GNB5: variants seen among roughly 807,000 people sequenced by gnomAD.
GNB5 encodes guanine nucleotide-binding protein subunit beta-5.
GNB5 carries 37 observed loss-of-function variants against 55.3 expected under a neutral mutation model. That is an observed-to-expected ratio of 0.67 (90% CI 0.51 to 0.88). GNB5 has a LOEUF of 0.88. GNB5 is among the 40% of genes least tolerant of loss of function. The probability of loss-of-function intolerance (pLI) is 0.00; values close to 1 mark genes in which losing one functional copy is unlikely to be tolerated. For missense variants in GNB5, 476 were observed against 515.3 expected, an observed-to-expected ratio of 0.92 and a Z score of 0.74; for synonymous variants, 219 against 198.5, an observed-to-expected ratio of 1.10 and a Z score of -0.87.
At chr15:52,158,375 T>A (rs915658926) in intron 3 of GNB5, among the ~76,000 whole-genome samples, 2 of 152,204 alleles carry the variant, frequency 1.3e-5, no homozygotes, top group Non-Finnish European at 2.9e-5. Context: ...GTACAGTGAG[T>A]ACCCAGTAAT....
intron 3 of GNB5, among the ~76,000 whole-genome samples, chr15:52,155,863 A>G (rs2034197961): frequency 6.6e-6 from 1 of 152,160 alleles, no homozygotes; most frequent in Non-Finnish European, 1.5e-5. Flanking sequence ...TCTCCACTGG[A>G]GAGTTACCAT....
rs144289162 is a variant in GNB5, at chr15:52,179,775, A to C, written c.231T>G (p.Asp77Glu). 1 of 1,488,274 alleles carries C rather than the reference A, an allele frequency of 6.7e-7. No homozygotes were observed. Among genetic ancestry groups the C allele is most frequent in the South Asian group, 1.2e-5 (1 of 80,876 alleles). The allele number at this position is 1,488,274 out of a possible 1,614,324, so 92.2% of individuals were successfully genotyped here. A position where few individuals can be genotyped will look rare whatever the true frequency, so the allele number is the denominator to read the frequency against. ...KLEEERAKLH[D>E]VELHQVAERV... ...CTCCCGGCCCGCACTCACGCTCCAC[A>C]TCGTGCAGCTTGGCTCGCTCCTCCT... Residue 77 changes from aspartate (D) to glutamate (E), a missense_variant, in exon 3 of 13, where the codon GAT (aspartate) becomes GAG (glutamate). Transcript: ENST00000261837.
At chr15:52,157,757 C>G (rs963970280) in intron 3 of GNB5, among the ~76,000 whole-genome samples, 2 of 151,946 alleles carry the variant, frequency 1.3e-5, no homozygotes, top group African/African-American at 4.8e-5. Flanking sequence ...TTGAATAGAT[C>G]CCAACTATTA....
chr15:52,168,048 T>C (rs2034483741), intron 3 of GNB5, among the ~76,000 whole-genome samples: 1 of 152,142 alleles, frequency 6.6e-6, no homozygotes, highest in African/African-American at 2.4e-5. Context: ...CCGAATATCA[T>C]ACTGAATGGG....
chr15:52,128,234 T>C lies in GNB5; in HGVS notation c.874A>G (p.Ser292Gly), dbSNP rs750879049. 1.9e-6 allele frequency: 3 copies of C among 1,608,696 alleles called. No homozygotes were observed. Among genetic ancestry groups the C allele is most frequent in the Non-Finnish European group, 2.6e-6 (3 of 1,175,022 alleles). The change falls in exon 10 of 13, where the codon AGT (serine) becomes GGT (glycine). Residue 292 changes from serine (S) to glycine (G), a missense_variant. By Grantham distance (56) the Ser-to-Gly change is moderately conservative. Coordinates refer to ENST00000261837, the MANE Select transcript of GNB5 (RefSeq NM_016194.4). ...SDINSVRYYP[S>G]GDAFASGSDD... ...GACCCTGAAGCAAAGGCATCTCCACTGGGGTAGTACCTGCAGAGAGAAAGT... is the reference window on the plus strand; with the variant it reads ...GACCCTGAAGCAAAGGCATCTCCACCGGGGTAGTACCTGCAGAGAGAAAGT...
intron 6 of GNB5, 58 bp downstream of exon 6, chr15:52,147,401 G>T: frequency 2.1e-6 from 2 of 956,584 alleles, no homozygotes; most frequent in South Asian, 1.3e-5. Flanking sequence ...TTTTTGCCAA[G>T]AGAACAGTAT....
At chr15:52,143,325 T>C (rs900006333) in intron 6 of GNB5, among the ~76,000 whole-genome samples, 8 of 152,220 alleles carry the variant, frequency 5.3e-5, no homozygotes, top group African/African-American at 1.7e-4. Flanking sequence ...CTTAGGGTTA[T>C]TCGCATTGCT....
intron 3 of GNB5, among the ~76,000 whole-genome samples, chr15:52,172,368 A>G (rs537581256): frequency 6.7e-6 from 1 of 150,100 alleles, no homozygotes; most frequent in East Asian, 2.0e-4. Context: ...CTGGTCTTCA[A>G]CTCCTGGGCT....
chr15:52,126,743 C>T (rs1309575756), intron 10 of GNB5, among the ~76,000 whole-genome samples: 1 of 152,056 alleles, frequency 6.6e-6, no homozygotes, highest in Non-Finnish European at 1.5e-5. Context: ...GAAATAGAAT[C>T]CTTAGAAGAG....
chr15:52,153,909 G>A lies in GNB5; in HGVS notation c.375+31C>T, dbSNP rs200367414. The A allele has an allele frequency of 1.1e-4, 168 of 1,587,918 alleles. 1 individual carries two copies. Among genetic ancestry groups the A allele is most frequent in the Middle Eastern group, 3.4e-4 (2 of 5,968 alleles). On this transcript the variant is annotated intron_variant, in intron 4 of 12. Transcript: ENST00000261837. The stretch of plus-strand genomic sequence containing the variant: ...CCCTTAGCTATAAAATCCAAAACCC[G>A]CTCACCTGTTATGCAGCAGGTGTGA...
rs568474683 is a variant in GNB5, at chr15:52,170,109, G to C, written c.238+9659C>G. ...GAAAAAGGAATGCTTCTACACTGTT[G>C]GTGGGAATGTAAATTAAATTAGTTC... On this transcript the variant is annotated intron_variant, in intron 3 of 12. Transcript: ENST00000261837. 2.0e-5 allele frequency among the ~76,000 whole-genome samples: 3 copies of C among 152,330 alleles called. No homozygotes were observed. In the East Asian group the frequency reaches 5.8e-4, roughly 29 times the overall value.
In GNB5 at chr15:52,122,414, G is replaced by T; in HGVS notation, c.*343C>A. 2 of 242,488 alleles carry T rather than the reference G, an allele frequency of 8.2e-6. No individual in the cohort carries two copies. The highest frequency in any genetic ancestry group is 1.6e-5 in the Non-Finnish European group (2 of 125,580). The allele number at this position is 242,488 out of a possible 1,614,324, so 15.0% of individuals were successfully genotyped here. ...TGCTCTGAAAATGAATTGATTCAAA[G>T]AAATAATATGGAATATATTAACTGC... On this transcript the variant is annotated 3_prime_UTR_variant, in exon 13 of 13. Coordinates refer to ENST00000261837, the MANE Select transcript of GNB5 (RefSeq NM_016194.4).
chr15:52,190,230 G>A (rs1381502520), intron 1 of GNB5, among the ~76,000 whole-genome samples: 6 of 150,912 alleles, frequency 4.0e-5, no homozygotes, highest in Middle Eastern at 3.4e-3. Context: ...CCATTCTCCT[G>A]CCTCAGCCTC....
intron 3 of GNB5, among the ~76,000 whole-genome samples, chr15:52,177,078 AGG>A (rs1332704819): frequency 1.6e-5 from 2 of 121,430 alleles, no homozygotes; most frequent in African/African-American, 6.6e-5. Context: ...TCTGTCGCCC[AGG>A]CTGGAGTGCA....
At chr15:52,179,923 T>G (rs114984699) in intron 2 of GNB5, 44 bp from the exon 3 acceptor site, 1 of 1,464,386 alleles carries the variant, frequency 6.8e-7, no homozygotes, top group African/African-American at 1.5e-5. Flanking sequence ...AGAGCGGGAA[T>G]GCGCTGAGCC....
intron 7 of GNB5, chr15:52,137,580 G>A: frequency 5.6e-6 from 6 of 1,067,858 alleles, no homozygotes; most frequent in African/African-American, 1.7e-5. Flanking sequence ...CAAGTACAAA[G>A]GTCAGCCATA....
At chr15:52,146,832 C>G (rs1041333520) in intron 6 of GNB5, among the ~76,000 whole-genome samples, 3 of 151,166 alleles carry the variant, frequency 2.0e-5, no homozygotes, top group Non-Finnish European at 4.4e-5. Context: ...ATCCTCCTGC[C>G]TCTGCCTCCC....
chr15:52,161,010 T>C (rs2034319845), intron 3 of GNB5, among the ~76,000 whole-genome samples: 1 of 152,184 alleles, frequency 6.6e-6, no homozygotes, highest in African/African-American at 2.4e-5. Context: ...ATGTTACCAA[T>C]ATCCACCATT....
chr15:52,139,939 C>T (rs2033813744), intron 7 of GNB5: 4 of 1,285,390 alleles, frequency 3.1e-6, no homozygotes, highest in Non-Finnish European at 4.1e-6. Flanking sequence ...CTTCATCCAG[C>T]CTAAATGTCC....
Sources: gnomAD v4.1 joint callset for allele counts (sites outside exome capture counted in the v4.1 genomes callset) on GRCh38, gnomAD v4.1.1 for gene constraint, MANE v1.5 for transcripts, NCBI Gene and HGNC (gene_info 2026-07-23, HGNC 2026-07-21) for gene names.